Variants in RSC1A1 observed in about 807,000 individuals in gnomAD.
RSC1A1 encodes regulator of solute carriers 1.
In RSC1A1, 6 loss-of-function variants were observed where a neutral mutation model predicts 7.7. The observed-to-expected ratio is 0.78, with a 90% CI of 0.43 to 1.53. RSC1A1 has a LOEUF of 1.53. Among genes scored for constraint, RSC1A1 ranks in the 40% most tolerant of loss-of-function variants. The probability of loss-of-function intolerance (pLI) is 0.01; values close to 1 mark genes in which losing one functional copy is unlikely to be tolerated. For missense variants in RSC1A1, 729 were observed against 726.3 expected (o/e 1.00, Z -0.04); for synonymous variants, 250 against 263.0 (o/e 0.95, Z 0.48).
In RSC1A1 at chr1:15,660,363, T is replaced by G. The variant is rs756192349; in HGVS notation, c.495T>G (p.Pro165=). 1.2e-6 allele frequency: 2 copies of G among 1,614,030 alleles called. No individual in the cohort carries two copies. The highest frequency in any genetic ancestry group is 1.6e-4 in the Middle Eastern group (1 of 6,062). Residue 165 remains proline, a synonymous_variant, in exon 1 of 1, where the codon CCT becomes CCG. Coordinates refer to ENST00000345034, the MANE Select transcript of RSC1A1 (RefSeq NM_006511.3). ...ENQNLSQVSD[P]QQHEEPGNEQ... is the part of the protein sequence containing the mutation. The stretch of plus-strand genomic sequence containing the variant: ...AGAACCTGAGTCAAGTGAGTGACCC[T>G]CAGCAGCACGAAGAACCAGGGAATG...
Position 15,661,420 on chromosome 1 carries a change from T to C in RSC1A1, c.1552T>C (p.Phe518Leu), listed in dbSNP as rs747869220. The change falls in exon 1 of 1, where the codon TTC (phenylalanine) becomes CTC (leucine). Residue 518 changes from phenylalanine to leucine, a missense_variant. Coordinates refer to ENST00000345034, the MANE Select transcript of RSC1A1 (RefSeq NM_006511.3). ...SEQTKSLSSN[F>L]ILVKDLGQGI... ...GCAAACTAAGTCTTTGTCATCCAAT[T>C]TCATATTGGTTAAAGACTTAGGTCA... 14 of 1,614,126 alleles carry C rather than the reference T, an allele frequency of 8.7e-6. No homozygotes were observed. The South Asian group carries it at 1.5e-4, about 18-fold the overall frequency.
In RSC1A1 at chr1:15,661,595, A is replaced by G. The variant is rs371667673; in HGVS notation, c.1727A>G (p.Asp576Gly). 2.5e-6 allele frequency: 4 copies of G among 1,614,002 alleles called. No individual in the cohort carries two copies. Among genetic ancestry groups the G allele is most frequent in the Non-Finnish European group, 3.4e-6 (4 of 1,180,038 alleles). ...ILPPLIFPAT[D>G]IDRILRAGFT... ...CCACCATTGATTTTTCCTGCCACAG[A>G]TATTGACCGCATTCTCCGTGCTGGC... is the stretch of plus-strand genomic sequence containing the variant. The change falls in exon 1 of 1, where the codon GAT becomes GGT. Residue 576 changes from aspartate (D) to glycine (G), a missense_variant. Asp to Gly is a moderately conservative substitution (Grantham distance 94, BLOSUM62 -1). Transcript: ENST00000345034.
In RSC1A1 at chr1:15,661,313, A is replaced by G. The variant is rs147402037; in HGVS notation, c.1445A>G (p.Asn482Ser). The G allele has an allele frequency of 2.0e-5, 33 of 1,613,934 alleles. No individual in the cohort carries two copies. The highest frequency in any genetic ancestry group is 1.9e-4 in the African/African-American group (14 of 74,920). The change falls in exon 1 of 1, where the codon AAT becomes AGT. Residue 482 changes from asparagine (N) to serine (S), a missense_variant. Coordinates refer to ENST00000345034, the MANE Select transcript of RSC1A1 (RefSeq NM_006511.3). Reference sequence around the variant, plus strand: ...ACTGTAACCTCAGCTAAAACATCCAATCAGTTACACTGCACCTTAGGTGTA... The same window carrying G: ...ACTGTAACCTCAGCTAAAACATCCAGTCAGTTACACTGCACCTTAGGTGTA... ...SVTVTSAKTS[N>S]QLHCTLGVEI...
Position 15,661,214 on chromosome 1 carries a change from T to C in RSC1A1, c.1346T>C (p.Leu449Pro). 1 of 1,614,198 alleles carries C rather than the reference T, an allele frequency of 6.2e-7. No homozygotes were observed. The highest frequency in any genetic ancestry group is 8.5e-7 in the Non-Finnish European group (1 of 1,180,032). Reference protein sequence around the residue: ...EAVENVNFRSLGDGLSTDKEG... With the variant: ...EAVENVNFRSPGDGLSTDKEG... Reference sequence around the variant, plus strand: ...GTAGAAAATGTAAACTTCAGGAGTCTAGGTGATGGCCTGTCAACCGATAAG... The same window carrying C: ...GTAGAAAATGTAAACTTCAGGAGTCCAGGTGATGGCCTGTCAACCGATAAG... The change falls in exon 1 of 1, where the codon CTA becomes CCA. Residue 449 changes from leucine to proline, a missense_variant. Transcript: ENST00000345034.
Position 15,660,293 on chromosome 1 carries a change from A to G in RSC1A1, c.425A>G (p.Glu142Gly), listed in dbSNP as rs1023185237. Residue 142 changes from glutamate (E) to glycine (G), a missense_variant, in exon 1 of 1, where the codon GAA (glutamate) becomes GGA (glycine). Transcript: ENST00000345034. Reference sequence around the variant, plus strand: ...TCTGTCACATCTACTAGGATGCATGAACCACAGATGTTTCTAGGTGAAAAG... The same window carrying G: ...TCTGTCACATCTACTAGGATGCATGGACCACAGATGTTTCTAGGTGAAAAG... ...SLSVTSTRMHEPQMFLGEKDW... is the reference protein window; with the variant it reads ...SLSVTSTRMHGPQMFLGEKDW... 1.4e-5 allele frequency: 23 copies of G among 1,614,202 alleles called. No homozygotes were observed. Among genetic ancestry groups the G allele is most frequent in the Non-Finnish European group, 1.9e-5 (23 of 1,180,032 alleles).
chr1:15,659,959 C>G lies in RSC1A1; in HGVS notation c.91C>G (p.Arg31Gly), dbSNP rs141224991. The change falls in exon 1 of 1, where the codon CGC becomes GGC. Residue 31 changes from arginine (R) to glycine (G), a missense_variant. Coordinates refer to ENST00000345034, the MANE Select transcript of RSC1A1 (RefSeq NM_006511.3). ...PDVGNPMSLA[R>G]SVSASVCPIK... ...TGTTGGTAATCCTATGAGTCTTGCT[C>G]GCTCTGTCTCTGCTTCAGTCTGCCC... The G allele has an allele frequency of 1.2e-6, 2 of 1,614,046 alleles. No individual in the cohort carries two copies. The highest frequency in any genetic ancestry group is 1.7e-6 in the Non-Finnish European group (2 of 1,180,044).
chr1:15,659,863 C>CT lies in RSC1A1; in HGVS notation c.-5dup. ...GAAAAGTGGTAAAGAATCTACCTCA[C>CT]TGGGAATGTCATCATTACCAACTTC... On this transcript the variant is annotated 5_prime_UTR_variant, in exon 1 of 1. Transcript: ENST00000345034. 1 of 1,559,394 alleles carries CT rather than the reference C, an allele frequency of 6.4e-7. No homozygotes were observed.
rs376809241 is a variant in RSC1A1, at chr1:15,660,786, C to T, written c.918C>T (p.Ser306=). The change falls in exon 1 of 1, where the codon TCC becomes TCT. Residue 306 remains serine, a synonymous_variant. Coordinates refer to ENST00000345034, the MANE Select transcript of RSC1A1 (RefSeq NM_006511.3). ...CTGAAATTTTGAATGATTCCATTTCCACTCAGGATTTACAGCCCCCAGAAA... is the reference window on the plus strand; with the variant it reads ...CTGAAATTTTGAATGATTCCATTTCTACTCAGGATTTACAGCCCCCAGAAA... ...PSSEILNDSI[S]TQDLQPPETN... The T allele has an allele frequency of 3.8e-5, 62 of 1,613,836 alleles. No homozygotes were observed. The Middle Eastern group carries it at 4.9e-4, about 13-fold the overall frequency.
rs987267178 is a variant in RSC1A1 at position 15,659,872 on chromosome 1, T to C, written c.4T>C (p.Ser2Pro). 6.4e-7 allele frequency: 1 copy of C among 1,568,080 alleles called. No individual in the cohort carries two copies. Among genetic ancestry groups the C allele is most frequent in the Non-Finnish European group, 8.6e-7 (1 of 1,160,922 alleles). The change falls in exon 1 of 1, where the codon TCA becomes CCA. Residue 2 changes from serine to proline, a missense_variant. Physicochemically the swap from Ser to Pro is moderately conservative, Grantham distance 74 (BLOSUM62 -1). Coordinates refer to ENST00000345034, the MANE Select transcript of RSC1A1 (RefSeq NM_006511.3). The part of the protein sequence containing the change: M[S>P]SLPTSDGFNH... ...TAAAGAATCTACCTCACTGGGAATG[T>C]CATCATTACCAACTTCAGATGGGTT...
At position 15,659,912 on chromosome 1, in the gene RSC1A1, G is replaced by T; in HGVS notation, c.44G>T (p.Arg15Leu). ...TCAGATGGGTTTAACCATCCCGCCC[G>T]TTCTTCAGGACAGAGTCCTGATGTT... ...PTSDGFNHPA[R>L]SSGQSPDVGN... The change falls in exon 1 of 1, where the codon CGT becomes CTT. Residue 15 changes from arginine (R) to leucine (L), a missense_variant. Arg to Leu is a moderately radical substitution (Grantham distance 102). Transcript: ENST00000345034. 6.2e-7 allele frequency: 1 copy of T among 1,605,644 alleles called. No individual in the cohort carries two copies. Among genetic ancestry groups the T allele is most frequent in the South Asian group, 1.1e-5 (1 of 89,350 alleles).
Position 15,661,593 on chromosome 1 carries a change from A to T in RSC1A1, c.1725A>T (p.Thr575=). The change falls in exon 1 of 1, where the codon ACA becomes ACT. Residue 575 remains threonine (T), a synonymous_variant. Coordinates refer to ENST00000345034, the MANE Select transcript of RSC1A1 (RefSeq NM_006511.3). The stretch of plus-strand genomic sequence containing the variant: ...TTCCACCATTGATTTTTCCTGCCAC[A>T]GATATTGACCGCATTCTCCGTGCTG... ...AILPPLIFPA[T]DIDRILRAGF... is the part of the protein sequence containing the mutation. The T allele has an allele frequency of 1.9e-6, 3 of 1,614,120 alleles. No homozygotes were observed. The South Asian group carries it at 3.3e-5, about 18-fold the overall frequency.
rs757277664 is a variant in RSC1A1, at chr1:15,660,181, A to G, written c.313A>G (p.Thr105Ala). 6.2e-7 allele frequency: 1 copy of G among 1,614,216 alleles called. No homozygotes were observed. The highest frequency in any genetic ancestry group is 1.7e-5 in the Admixed American group (1 of 60,024). ...TATGCAGAATTCATCCGAAGAAATA[A>G]CTGTTGCAGGTAATCTGGAGAAATC... is the stretch of plus-strand genomic sequence containing the variant. ...MPMQNSSEEI[T>A]VAGNLEKSAE... is the part of the protein sequence containing the mutation. Residue 105 changes from threonine to alanine, a missense_variant, in exon 1 of 1, where the codon ACT becomes GCT. Physicochemically the swap from Thr to Ala is moderately conservative, Grantham distance 58. Transcript: ENST00000345034.
In RSC1A1 at chr1:15,660,747, A is replaced by T; in HGVS notation, c.879A>T (p.Lys293Asn). 6.2e-7 allele frequency: 1 copy of T among 1,613,888 alleles called. No individual in the cohort carries two copies. The highest frequency in any genetic ancestry group is 2.2e-5 in the East Asian group (1 of 44,888). Residue 293 changes from lysine (K) to asparagine (N), a missense_variant, in exon 1 of 1, where the codon AAA (lysine) becomes AAT (asparagine). Transcript: ENST00000345034. Reference sequence around the variant, plus strand: ...CCTTGATGGAAGTAGAAACATCAAAATGTAACCCTTCATCTGAAATTTTGA... The same window carrying T: ...CCTTGATGGAAGTAGAAACATCAAATTGTAACCCTTCATCTGAAATTTTGA... ...DNPLMEVETS[K>N]CNPSSEILND...
chr1:15,661,877 G>A lies in RSC1A1; in HGVS notation c.*155G>A, dbSNP rs945402114. 1.1e-5 allele frequency: 12 copies of A among 1,092,020 alleles called. No individual in the cohort carries two copies. In the Admixed American group the frequency reaches 1.8e-4, roughly 17 times the overall value. 67.6% of individuals were successfully genotyped at this position (1,092,020 alleles called of 1,614,324 possible). ...CAGATTTTTTTTAAAGATTTTTTTC[G>A]GCCAAAGTAATTTATGATCTTTTGT... is the stretch of plus-strand genomic sequence containing the variant. On this transcript the variant is annotated 3_prime_UTR_variant, in exon 1 of 1. Coordinates refer to ENST00000345034, the MANE Select transcript of RSC1A1 (RefSeq NM_006511.3).
Position 15,660,607 on chromosome 1 carries a change from A to G in RSC1A1, c.739A>G (p.Thr247Ala). ...SECSGCSNSE[T>A]FMEIDTAQQS... ...ATGCAGTGGCTGCTCAAATTCAGAA[A>G]CATTTATGGAAATCGATACAGCTCA... The change falls in exon 1 of 1, where the codon ACA (threonine) becomes GCA (alanine). Residue 247 changes from threonine to alanine, a missense_variant. Transcript: ENST00000345034. 1 of 1,613,982 alleles carries G rather than the reference A, an allele frequency of 6.2e-7. No homozygotes were observed. The highest frequency in any genetic ancestry group is 8.5e-7 in the Non-Finnish European group (1 of 1,179,976).
chr1:15,659,935 G>A lies in RSC1A1; in HGVS notation c.67G>A (p.Val23Ile). 1.2e-6 allele frequency: 2 copies of A among 1,613,622 alleles called. No individual in the cohort carries two copies. Among genetic ancestry groups the A allele is most frequent in the Non-Finnish European group, 1.7e-6 (2 of 1,179,878 alleles). The change falls in exon 1 of 1, where the codon GTT becomes ATT. Residue 23 changes from valine to isoleucine, a missense_variant. By Grantham distance (29) the Val-to-Ile change is conservative. Coordinates refer to ENST00000345034, the MANE Select transcript of RSC1A1 (RefSeq NM_006511.3). Reference protein sequence around the residue: ...PARSSGQSPDVGNPMSLARSV... With the variant: ...PARSSGQSPDIGNPMSLARSV... ...CCGTTCTTCAGGACAGAGTCCTGATGTTGGTAATCCTATGAGTCTTGCTCG... is the reference window on the plus strand; with the variant it reads ...CCGTTCTTCAGGACAGAGTCCTGATATTGGTAATCCTATGAGTCTTGCTCG...
chr1:15,660,885 G>C lies in RSC1A1; in HGVS notation c.1017G>C (p.Gln339His), dbSNP rs1640361844. 1.2e-6 allele frequency: 2 copies of C among 1,614,102 alleles called. No individual in the cohort carries two copies. Among genetic ancestry groups the C allele is most frequent in the Non-Finnish European group, 8.5e-7 (1 of 1,180,006 alleles). ...YSSPSLCGSC[Q>H]PSVESAEESC... ...CTCCAAGTCTCTGTGGCAGTTGTCA[G>C]CCTTCTGTGGAGTCAGCAGAAGAAT... The change falls in exon 1 of 1, where the codon CAG becomes CAC. Residue 339 changes from glutamine to histidine, a missense_variant. Gln to His is a conservative substitution (Grantham distance 24). Coordinates refer to ENST00000345034, the MANE Select transcript of RSC1A1 (RefSeq NM_006511.3).
In RSC1A1 at chr1:15,661,164, T is replaced by G; in HGVS notation, c.1296T>G (p.Thr432=). The G allele has an allele frequency of 1.2e-6, 2 of 1,614,124 alleles. No individual in the cohort carries two copies. The highest frequency in any genetic ancestry group is 1.7e-6 in the Non-Finnish European group (2 of 1,180,020). The change falls in exon 1 of 1, where the codon ACT becomes ACG. Residue 432 remains threonine, a synonymous_variant. Transcript: ENST00000345034. ...VSVETEKLTG[T]SSDTGREAVE... is the part of the protein sequence containing the mutation. The stretch of plus-strand genomic sequence containing the variant: ...TGGAGACAGAAAAATTAACAGGTAC[T>G]TCATCTGACACTGGAAGAGAAGCTG...
rs368952531 is a variant in RSC1A1, at chr1:15,660,917, C to T, written c.1049C>T (p.Pro350Leu). Residue 350 changes from proline to leucine, a missense_variant, in exon 1 of 1, where the codon CCG becomes CTG. By Grantham distance (98) the Pro-to-Leu change is moderately conservative. Coordinates refer to ENST00000345034, the MANE Select transcript of RSC1A1 (RefSeq NM_006511.3). ...GTGGAGTCAGCAGAAGAATCTTGCCCGTCTATAACGGCAGCCTTGAAAGAA... is the reference window on the plus strand; with the variant it reads ...GTGGAGTCAGCAGAAGAATCTTGCCTGTCTATAACGGCAGCCTTGAAAGAA... ...PSVESAEESC[P>L]SITAALKELH... 1.4e-5 allele frequency: 23 copies of T among 1,613,090 alleles called. No individual in the cohort carries two copies. Among genetic ancestry groups the T allele is most frequent in the Admixed American group, 1.0e-4 (6 of 59,830 alleles).
Sources: allele counts gnomAD v4.1 joint callset, GRCh38; gene constraint gnomAD v4.1.1; transcripts MANE v1.5; gene names NCBI Gene and HGNC (gene_info 2026-07-23, HGNC 2026-07-21).